The following TBX22 variants were observed in gnomAD, a reference collection of about 807,000 sequenced individuals.
TBX22 encodes the protein T-box transcription factor 22.
A neutral mutation model predicts 30.1 loss-of-function variants in TBX22; 8 were observed. The ratio of observed to expected loss-of-function variants is 0.27; its 90% CI spans 0.16 to 0.48. The LOEUF (loss-of-function observed/expected upper bound fraction) is 0.48, where lower values mean the gene tolerates loss of function less well. Among genes scored for constraint, TBX22 ranks in the 20% least tolerant of loss-of-function variants. The pLI is 0.99. For synonymous variants in TBX22, 173 were observed against 149.1 expected, an observed-to-expected ratio of 1.16 and a Z score of -1.17; for missense variants, 463 against 400.5, an observed-to-expected ratio of 1.16 and a Z score of -1.33.
intron 3 of TBX22, among the ~76,000 whole-genome samples, chrX:80,023,601 G>A (rs1164430473): frequency 9.0e-6 from 1 of 111,250 alleles, no homozygotes; most frequent in Non-Finnish European, 1.9e-5. Context: ...AGTTCCTCGC[G>A]CCCGCTAGAC....
chrX:80,030,774 A>G lies in TBX22; in HGVS notation c.1226A>G (p.Glu409Gly), dbSNP rs1490218662. ...CAGTCTTTAGCCCCACTCATGATGG[A>G]AGTGCCTATGTTATCTTCCCTGGGG... is the stretch of plus-strand genomic sequence containing the variant. ...SSQSLAPLMMEVPMLSSLGVT... is the reference protein window; with the variant it reads ...SSQSLAPLMMGVPMLSSLGVT... The change falls in exon 9 of 9, where the codon GAA becomes GGA. Residue 409 changes from glutamate to glycine, a missense_variant. By Grantham distance (98) the Glu-to-Gly change is moderately conservative. Coordinates refer to ENST00000373296, the MANE Select transcript of TBX22 (RefSeq NM_001109878.2). The G allele has an allele frequency of 1.1e-5, 13 of 1,210,060 alleles. No individual in the cohort carries two copies. The highest frequency in any genetic ancestry group is 2.3e-4 in the Middle Eastern group (1 of 4,375).
chrX:80,028,031 CCTT>C lies in TBX22; in HGVS notation c.908_910del (p.Ser303del), dbSNP rs1391747610. On this transcript the variant is annotated inframe_deletion, in exon 8 of 9. Transcript: ENST00000373296. ...GCTTTTAGAGACCTACCCATGGAGG[CCTT>C]CTTTCACTCTCGATTTTAAAACCTT... The C allele has an allele frequency of 5.0e-6, 6 of 1,209,289 alleles. No homozygotes were observed. The highest frequency in any genetic ancestry group is 6.7e-6 in the Non-Finnish European group (6 of 894,688).
At chrX:80,017,005 C>CAA (rs1270817239) in intron 1 of TBX22, among the ~76,000 whole-genome samples, 3,851 of 29,254 alleles carry the variant, frequency 0.13, 442 homozygotes, top group South Asian at 0.17. Flanking sequence ...GATTCTGTCT[C>CAA]AAAAAAAAAA....
intron 2 of TBX22, 29 bp downstream of exon 2, chrX:80,022,473 T>C: frequency 8.7e-7 from 1 of 1,156,055 alleles, no homozygotes; most frequent in Non-Finnish European, 1.2e-6. Flanking sequence ...CTGAGCCCGT[T>C]GCCTGAGCTT....
chrX:80,024,311 G>A (rs1923867401), intron 4 of TBX22, 147 bp downstream of exon 4: 1 of 517,648 alleles, frequency 1.9e-6, no homozygotes, highest in Admixed American at 3.2e-5. Context: ...TTTAGGAGTT[G>A]AATTTTCTTA....
At position 80,030,929 on chromosome X, in the gene TBX22, C is replaced by T. The variant is rs1451795165; in HGVS notation, c.1381C>T (p.Pro461Ser). The T allele has an allele frequency of 3.3e-6, 4 of 1,211,276 alleles. No homozygotes were observed. Among genetic ancestry groups the T allele is most frequent in the East Asian group, 3.0e-5 (1 of 33,843 alleles). Residue 461 changes from proline (P) to serine (S), a missense_variant, in exon 9 of 9, where the codon CCA (proline) becomes TCA (serine). Physicochemically the swap from Pro to Ser is moderately conservative, Grantham distance 74. Coordinates refer to ENST00000373296, the MANE Select transcript of TBX22 (RefSeq NM_001109878.2). Reference protein sequence around the residue: ...GNIFLPNSITPEALSCSFHPS... With the variant: ...GNIFLPNSITSEALSCSFHPS... ...TATTTTTCTGCCAAACTCCATCACCCCAGAAGCACTTAGTTGCTCCTTTCA... is the reference window on the plus strand; with the variant it reads ...TATTTTTCTGCCAAACTCCATCACCTCAGAAGCACTTAGTTGCTCCTTTCA...
In TBX22 at chrX:80,030,663, G is replaced by A. The variant is rs765407594; in HGVS notation, c.1115G>A (p.Cys372Tyr). The change falls in exon 9 of 9, where the codon TGC (cysteine) becomes TAC (tyrosine). Residue 372 changes from cysteine (C) to tyrosine (Y), a missense_variant. Cys to Tyr is a radical substitution (Grantham distance 194). Transcript: ENST00000373296. ...CTGCCCAATGTCAACCTGCCTCTAT[G>A]CTACAAGATTTGTCCAACTAATTTT... ...AYLPNVNLPLCYKICPTNFWQ... is the reference protein window; with the variant it reads ...AYLPNVNLPLYYKICPTNFWQ... 39 of 1,209,880 alleles carry A rather than the reference G, an allele frequency of 3.2e-5. No homozygotes were observed. The highest frequency in any genetic ancestry group is 4.1e-5 in the Non-Finnish European group (37 of 895,206).
chrX:80,027,131 T>G (rs1002061478), intron 6 of TBX22, 125 bp from the exon 7 acceptor site: 84 of 503,799 alleles, frequency 1.7e-4, no homozygotes, highest in Non-Finnish European at 2.9e-4. Flanking sequence ...TGGTTACATT[T>G]ATTTAAATTG....
intron 3 of TBX22, 95 bp from the exon 4 acceptor site, chrX:80,023,968 T>G: frequency 1.2e-6 from 1 of 816,794 alleles, no homozygotes. Context: ...GTGAGTCCCT[T>G]CACTTTTTAC....
intron 1 of TBX22, among the ~76,000 whole-genome samples, chrX:80,015,616 C>T (rs1240007254): frequency 3.6e-5 from 4 of 111,761 alleles, no homozygotes; most frequent in East Asian, 2.8e-4. Context: ...GCTCATACAC[C>T]GCATTGTAAC....
At chrX:80,025,089 A>G (rs1325170780) in intron 4 of TBX22, among the ~76,000 whole-genome samples, 2 of 112,179 alleles carry the variant, frequency 1.8e-5, no homozygotes, top group Non-Finnish European at 3.8e-5. Flanking sequence ...CTGGCTTGGG[A>G]ATAAGAGCAA....
chrX:80,030,407 T>A (rs1401128217), intron 8 of TBX22, 91 bp from the exon 9 acceptor site: 6 of 1,086,893 alleles, frequency 5.5e-6, no homozygotes, highest in Non-Finnish European at 7.6e-6. Context: ...AATCTAAGGA[T>A]GAAGCACAGA....
At chrX:80,018,455 A>AT (rs1923543695) in intron 1 of TBX22, among the ~76,000 whole-genome samples, 1 of 112,007 alleles carries the variant, frequency 8.9e-6, no homozygotes, top group Non-Finnish European at 1.9e-5. Context: ...TTAAAAAAAA[A>AT]GGTGGCTTTC....
chrX:80,022,283 C>G lies in TBX22; in HGVS notation c.14C>G (p.Ser5Cys). 8.3e-7 allele frequency: 1 copy of G among 1,211,430 alleles called. No individual in the cohort carries two copies. Among genetic ancestry groups the G allele is most frequent in the Non-Finnish European group, 1.1e-6 (1 of 895,429 alleles). The part of the protein sequence containing the change: MALS[S>C]RARAFSVEAL... The stretch of plus-strand genomic sequence containing the variant: ...CCCCCTCCAGGGATGGCTCTGAGCT[C>G]TCGGGCGCGTGCCTTCTCCGTGGAA... Residue 5 changes from serine to cysteine, a missense_variant, in exon 2 of 9, where the codon TCT becomes TGT. Ser to Cys is a moderately radical substitution (Grantham distance 112). Transcript: ENST00000373296.
At chrX:80,027,862 C>A in intron 7 of TBX22, 129 bp from the exon 8 acceptor site, 1 of 543,406 alleles carries the variant, frequency 1.8e-6, no homozygotes, top group Non-Finnish European at 3.1e-6. Flanking sequence ...GAATTTTATT[C>A]AGAAGTCTAG....
chrX:80,025,897 T>C, intron 5 of TBX22, 120 bp downstream of exon 5: 1 of 621,328 alleles, frequency 1.6e-6, no homozygotes. Flanking sequence ...TTAGGAACTG[T>C]TCAAGCCCTG....
At chrX:80,019,572 T>C (rs1185051743) in intron 1 of TBX22, among the ~76,000 whole-genome samples, 1 of 111,643 alleles carries the variant, frequency 9.0e-6, no homozygotes, top group Non-Finnish European at 1.9e-5. Flanking sequence ...GGATGAAATA[T>C]AGAGATGCCC....
At position 80,025,795 on chromosome X, in the gene TBX22, T is replaced by C; in HGVS notation, c.633+18T>C. 8.4e-7 allele frequency: 1 copy of C among 1,184,576 alleles called. No homozygotes were observed. Among genetic ancestry groups the C allele is most frequent in the Non-Finnish European group, 1.1e-6 (1 of 879,145 alleles). Reference sequence around the variant, plus strand: ...AAGGCCACGTACGTGAGCACAATCCTTTACCCCGAGGAGGGAGGTGCCAAG... The same window carrying C: ...AAGGCCACGTACGTGAGCACAATCCCTTACCCCGAGGAGGGAGGTGCCAAG... On this transcript the variant is annotated intron_variant, in intron 5 of 8. Coordinates refer to ENST00000373296, the MANE Select transcript of TBX22 (RefSeq NM_001109878.2).
At chrX:80,016,477 T>C (rs1376495562) in intron 1 of TBX22, among the ~76,000 whole-genome samples, 1 of 111,067 alleles carries the variant, frequency 9.0e-6, no homozygotes, top group South Asian at 3.7e-4. Context: ...TTTAGGAAGA[T>C]AAAATAATTC....
Sources: gnomAD v4.1 joint callset for allele counts (sites outside exome capture counted in the v4.1 genomes callset) on GRCh38, gnomAD v4.1.1 for gene constraint, MANE v1.5 for transcripts, NCBI Gene and HGNC (gene_info 2026-07-23, HGNC 2026-07-21) for gene names.